Variants in MDM4 observed in about 807,000 individuals in gnomAD.
MDM4 encodes the protein protein Mdm4.
A neutral mutation model predicts 60.2 loss-of-function variants in MDM4; 2 were observed. The ratio of observed to expected loss-of-function variants is 0.03; its 90% CI spans 0.01 to 0.10. The LOEUF (loss-of-function observed/expected upper bound fraction) is 0.10. Among genes scored for constraint, MDM4 ranks in the 10% least tolerant of loss-of-function variants. MDM4 has a pLI of 1.00. For missense variants in MDM4, 447 were observed against 577.5 expected (o/e 0.77, Z 2.32); for synonymous variants, 202 against 198.1 (o/e 1.02, Z -0.17).
At chr1:204,533,122 G>T (rs541146659) in intron 5 of MDM4, among the ~76,000 whole-genome samples, 1 of 152,228 alleles carries the variant, frequency 6.6e-6, no homozygotes, top group East Asian at 1.9e-4. Context: ...CTAACCCTTT[G>T]CTTGATTCTA....
intron 5 of MDM4, chr1:204,532,750 T>G: frequency 6.2e-7 from 1 of 1,608,318 alleles, no homozygotes; most frequent in Non-Finnish European, 8.5e-7. Context: ...TTTGTTTTCA[T>G]GTCATTTACG....
In MDM4 at chr1:204,550,799, G is replaced by C. The variant is rs1044489107; in HGVS notation, c.*1117G>C. 5.6e-6 allele frequency: 1 copy of C among 177,296 alleles called. No homozygotes were observed. The highest frequency in any genetic ancestry group is 1.2e-5 in the Non-Finnish European group (1 of 82,416). 11.0% of individuals were successfully genotyped at this position (177,296 alleles called of 1,614,324 possible). On this transcript the variant is annotated 3_prime_UTR_variant, in exon 11 of 11. Transcript: ENST00000367182. Reference sequence around the variant, plus strand: ...TTCCCCCGCCTCAGCCTCCCAAAGTGTTGGGCTTACAGCCTTGAGCCACTA... The same window carrying C: ...TTCCCCCGCCTCAGCCTCCCAAAGTCTTGGGCTTACAGCCTTGAGCCACTA...
chr1:204,553,714 G>A lies in MDM4; in HGVS notation c.*4032G>A, dbSNP rs559903874. On this transcript the variant is annotated 3_prime_UTR_variant, in exon 11 of 11. Coordinates refer to ENST00000367182, the MANE Select transcript of MDM4 (RefSeq NM_002393.5). The stretch of plus-strand genomic sequence containing the variant: ...GAACAACGATGAATTTCAGTATTAC[G>A]GCTAAAAAGTTCTTCTGTCTGAATA... 3 of 225,954 alleles carry A rather than the reference G, an allele frequency of 1.3e-5. No homozygotes were observed. The highest frequency in any genetic ancestry group is 2.6e-5 in the Non-Finnish European group (3 of 113,560). The allele number at this position is 225,954 out of a possible 1,614,324, so 14.0% of individuals were successfully genotyped here.
At chr1:204,542,505 C>CT (rs951546378) in intron 7 of MDM4, among the ~76,000 whole-genome samples, 28 of 149,380 alleles carry the variant, frequency 1.9e-4, no homozygotes, top group African/African-American at 3.9e-4. Flanking sequence ...CTTTTAGAGT[C>CT]TTTTTTTTTT....
At chr1:204,527,969 T>A (rs1660392841) in intron 3 of MDM4, among the ~76,000 whole-genome samples, 1 of 152,090 alleles carries the variant, frequency 6.6e-6, no homozygotes, top group South Asian at 2.1e-4. Context: ...TCTGATTTTT[T>A]AGAATACCTA....
At chr1:204,525,654 A>G in intron 2 of MDM4, 58 bp downstream of exon 2, 1 of 1,188,502 alleles carries the variant, frequency 8.4e-7, no homozygotes, top group Non-Finnish European at 1.2e-6. Flanking sequence ...ATTTTTAAAA[A>G]GTTTAGCTGT....
At chr1:204,531,704 C>T (rs1156228588) in intron 4 of MDM4, among the ~76,000 whole-genome samples, 1 of 151,978 alleles carries the variant, frequency 6.6e-6, no homozygotes, top group Admixed American at 6.6e-5. Context: ...TGGTGGCGGG[C>T]GCCTATAATC....
intron 8 of MDM4, among the ~76,000 whole-genome samples, chr1:204,543,486 A>T (rs574138940): frequency 2.6e-5 from 4 of 152,210 alleles, no homozygotes; most frequent in Non-Finnish European, 5.9e-5. Flanking sequence ...CTGACACTGT[A>T]GCCCAAAATT....
At chr1:204,516,673 G>A (rs937157946) in intron 1 of MDM4, among the ~76,000 whole-genome samples, 164 bp downstream of exon 1, 1 of 152,172 alleles carries the variant, frequency 6.6e-6, no homozygotes, top group African/African-American at 2.4e-5. Context: ...GGCTCGGGGG[G>A]AGGGGAAGAG....
At chr1:204,522,312 AGAGT>A (rs1187117638) in intron 1 of MDM4, among the ~76,000 whole-genome samples, 2 of 152,228 alleles carry the variant, frequency 1.3e-5, no homozygotes, top group South Asian at 2.1e-4. Context: ...CCTGAGTGAC[AGAGT>A]GAGACTCCAT....
intron 7 of MDM4, among the ~76,000 whole-genome samples, chr1:204,538,869 CTT>C (rs34355422): frequency 6.8e-5 from 8 of 117,672 alleles, no homozygotes; most frequent in African/African-American, 2.2e-4. Flanking sequence ...CCACGCCTGG[CTT>C]TTTTTTTTTT....
intron 1 of MDM4, among the ~76,000 whole-genome samples, chr1:204,520,928 G>A (rs1382115852): frequency 6.6e-6 from 1 of 152,114 alleles, no homozygotes. Flanking sequence ...GCCATGTGTG[G>A]ATGAATAATC....
intron 3 of MDM4, chr1:204,529,706 A>G (rs938118360): frequency 3.0e-5 from 16 of 537,280 alleles, no homozygotes; most frequent in African/African-American, 2.9e-4. Flanking sequence ...GGCAATTCTG[A>G]CGTCACACAC....
intron 1 of MDM4, among the ~76,000 whole-genome samples, chr1:204,520,921 A>T (rs1031447196): frequency 2.0e-5 from 3 of 152,140 alleles, no homozygotes; most frequent in African/African-American, 7.2e-5. Context: ...AAAATGGGCC[A>T]TGTGTGGATG....
chr1:204,527,322 A>G (rs1024865698), intron 3 of MDM4, among the ~76,000 whole-genome samples: 1 of 152,076 alleles, frequency 6.6e-6, no homozygotes, highest in African/African-American at 2.4e-5. Flanking sequence ...TCTGATTTAC[A>G]GGCTGTATTT....
chr1:204,557,751 G>A lies in MDM4; in HGVS notation c.*8069G>A, dbSNP rs1159989833. The A allele has an allele frequency of 1.1e-5, 2 of 185,654 alleles. No homozygotes were observed. The highest frequency in any genetic ancestry group is 2.3e-5 in the Non-Finnish European group (2 of 87,766). 11.5% of individuals were successfully genotyped at this position (185,654 alleles called of 1,614,324 possible). A position where few individuals can be genotyped will look rare whatever the true frequency, so the allele number is the denominator to read the frequency against. On this transcript the variant is annotated 3_prime_UTR_variant, in exon 11 of 11. Coordinates refer to ENST00000367182, the MANE Select transcript of MDM4 (RefSeq NM_002393.5). ...TTGAGTAGGTGGCATAAAATGCACT[G>A]TCAATATATAGAAAACATGAAATTT...
intron 5 of MDM4, among the ~76,000 whole-genome samples, chr1:204,535,061 A>G (rs187398853): frequency 5.9e-5 from 9 of 152,194 alleles, no homozygotes; most frequent in Admixed American, 3.3e-4. Context: ...TGAAAGGACA[A>G]ATGAGAGAAG....
At chr1:204,537,635 G>T in intron 6 of MDM4, 138 bp downstream of exon 6, 1 of 662,274 alleles carries the variant, frequency 1.5e-6, no homozygotes, top group East Asian at 2.6e-5. Flanking sequence ...TCACAGACCA[G>T]GGACAGAGTG....
chr1:204,529,747 CATT>C lies in MDM4; in HGVS notation c.154-934_154-932del, dbSNP rs1660671414. On this transcript the variant is annotated intron_variant, in intron 3 of 10. Coordinates refer to ENST00000367182, the MANE Select transcript of MDM4 (RefSeq NM_002393.5). The stretch of plus-strand genomic sequence containing the variant: ...AGGGGTAAAGTCTGGATTTTTATAT[CATT>C]ATAGTGGTTATGATGAATTATGCCA... The C allele has an allele frequency of 2.5e-5, 12 of 471,354 alleles. No homozygotes were observed. In the South Asian group the frequency reaches 4.0e-4, roughly 16 times the overall value. The allele number at this position is 471,354 out of a possible 1,614,324, so 29.2% of individuals were successfully genotyped here. A position where few individuals can be genotyped will look rare whatever the true frequency, so the allele number is the denominator to read the frequency against.
Sources: allele counts gnomAD v4.1 joint callset (sites outside exome capture counted in the v4.1 genomes callset), GRCh38; gene constraint gnomAD v4.1.1; transcripts MANE v1.5; gene names NCBI Gene and HGNC (gene_info 2026-07-23, HGNC 2026-07-21).